KIAA1958: variants seen among roughly 807,000 people sequenced by gnomAD.
KIAA1958 encodes uncharacterized protein KIAA1958.
In KIAA1958, 14 loss-of-function variants were observed where a neutral mutation model predicts 47.2. That is an observed-to-expected ratio of 0.30 (90% CI 0.20 to 0.46). The LOEUF (loss-of-function observed/expected upper bound fraction) is 0.46. Among genes scored for constraint, KIAA1958 ranks in the 20% least tolerant of loss-of-function variants. KIAA1958 has a pLI of 1.00. For synonymous variants in KIAA1958, 354 were observed against 353.3 expected (o/e 1.00, Z -0.02); for missense variants, 803 against 909.2 (o/e 0.88, Z 1.50).
chr9:112,519,102 A>G (rs114573334), intron 1 of KIAA1958, among the ~76,000 whole-genome samples: 5 of 151,840 alleles, frequency 3.3e-5, no homozygotes, highest in African/African-American at 7.3e-5. Context: ...GCTAATTTTT[A>G]AATTTATTAT....
chr9:112,509,029 C>T (rs1315473970), intron 1 of KIAA1958, among the ~76,000 whole-genome samples: 1 of 151,212 alleles, frequency 6.6e-6, no homozygotes, highest in African/African-American at 2.4e-5. Flanking sequence ...ATTAAAATGC[C>T]TCGAAAGATA....
chr9:112,657,556 C>T (rs1446904123), intron 3 of KIAA1958, among the ~76,000 whole-genome samples: 2 of 151,792 alleles, frequency 1.3e-5, no homozygotes, highest in Non-Finnish European at 2.9e-5. Flanking sequence ...ATAATGTTTT[C>T]GGTTCGGTTA....
At position 112,618,620 on chromosome 9, in the gene KIAA1958, T is replaced by C. The variant is rs1192519928; in HGVS notation, c.1172-27030T>C. 1 of 1,550,668 alleles carries C rather than the reference T, an allele frequency of 6.4e-7. No homozygotes were observed. Among genetic ancestry groups the C allele is most frequent in the Non-Finnish European group, 8.7e-7 (1 of 1,147,008 alleles). On this transcript the variant is annotated intron_variant, in intron 2 of 3. Transcript: ENST00000337530. This position sits in a 1 kb window ranked among gnomAD's most constrained non-coding sequence, Gnocchi z 7.1. ...CTACGAGGATGCCCCTTTCTACTTA[T>C]CCATCAAGCCAGTCGTGAACCTGGC...
intron 1 of KIAA1958, among the ~76,000 whole-genome samples, chr9:112,540,208 G>A (rs1455389917): frequency 1.3e-5 from 2 of 152,158 alleles, no homozygotes; most frequent in East Asian, 3.8e-4. Context: ...AGATAGGAGG[G>A]TGCTGATATG....
chr9:112,555,599 G>T (rs1835226412), intron 1 of KIAA1958, among the ~76,000 whole-genome samples: 2 of 152,274 alleles, frequency 1.3e-5, no homozygotes, highest in South Asian at 2.1e-4. Context: ...TCCATGGATG[G>T]CATCTTCTCG....
chr9:112,556,199 A>G (rs927305501), intron 1 of KIAA1958, among the ~76,000 whole-genome samples: 1 of 152,220 alleles, frequency 6.6e-6, no homozygotes, highest in Non-Finnish European at 1.5e-5. Flanking sequence ...GACATCTTGC[A>G]TCTTCCTTAA....
At chr9:112,555,571 A>G (rs1170563654) in intron 1 of KIAA1958, among the ~76,000 whole-genome samples, 1 of 152,242 alleles carries the variant, frequency 6.6e-6, no homozygotes, top group Non-Finnish European at 1.5e-5. Flanking sequence ...AGATTCCAGC[A>G]GGTTCATTGC....
At position 112,659,770 on chromosome 9, in the gene KIAA1958, T is replaced by C; in HGVS notation, c.1852T>C (p.Tyr618His). 1 of 1,614,130 alleles carries C rather than the reference T, an allele frequency of 6.2e-7. No homozygotes were observed. The change falls in exon 4 of 4, where the codon TAC (tyrosine) becomes CAC (histidine). Residue 618 changes from tyrosine (Y) to histidine (H), a missense_variant. Around this residue, in one of 2 missense-constraint regions of KIAA1958, gnomAD observed 761 missense variants for 829.3 expected, o/e 0.92. Coordinates refer to ENST00000337530, the MANE Select transcript of KIAA1958 (RefSeq NM_133465.4). ...GSTRVCHGKI[Y>H]HEHSRGHKQC... ...CACCAGAGTGTGTCACGGGAAGATCTACCATGAGCATTCCCGGGGACACAA... is the reference window on the plus strand; with the variant it reads ...CACCAGAGTGTGTCACGGGAAGATCCACCATGAGCATTCCCGGGGACACAA...
intron 3 of KIAA1958, among the ~76,000 whole-genome samples, chr9:112,659,041 A>G (rs7020672): frequency 0.14 from 18,505 of 131,398 alleles, 1,282 homozygotes; most frequent in East Asian, 0.28. Context: ...AAAAAAAAAA[A>G]AAAGAAAGAA....
At chr9:112,558,752 A>G (rs1220441729) in intron 1 of KIAA1958, among the ~76,000 whole-genome samples, 1 of 152,214 alleles carries the variant, frequency 6.6e-6, no homozygotes, top group African/African-American at 2.4e-5. Context: ...TAAGAGTCAG[A>G]ATGGAGGGGC....
chr9:112,634,364 G>T (rs1252096346), intron 2 of KIAA1958, among the ~76,000 whole-genome samples: 4 of 152,054 alleles, frequency 2.6e-5, no homozygotes, highest in Admixed American at 6.5e-5. Context: ...GAGTAGCTGG[G>T]ATTACAGGCG....
rs893275839 is a variant in KIAA1958 at position 112,496,746 on chromosome 9, C to T, written c.-25+9628C>T. ...TTAGGTTCTTGTGGTCTCGCGTTCT[C>T]CCCCAGAAGCTCAGAAACTTTACTG... On this transcript the variant is annotated intron_variant, in intron 1 of 3. Coordinates refer to ENST00000337530, the MANE Select transcript of KIAA1958 (RefSeq NM_133465.4). 2.0e-5 allele frequency among the ~76,000 whole-genome samples: 3 copies of T among 152,104 alleles called. No homozygotes were observed. The South Asian group carries it at 6.2e-4, about 32-fold the overall frequency.
In KIAA1958 at chr9:112,666,577, TCCCAGAAAAA is replaced by T. The variant is rs1035882534; in HGVS notation, c.*6516_*6525del. The T allele has an allele frequency of 4.6e-5, 7 of 152,258 alleles. No homozygotes were observed. Among genetic ancestry groups the T allele is most frequent in the Middle Eastern group, 3.4e-3 (1 of 294 alleles). The allele number at this position is 152,258 out of a possible 1,614,324, so 9.4% of individuals were successfully genotyped here. ...AGACCCTAGTGAGCTTCTTGTACCT[TCCCAGAAAAA>T]CCCAGAAGAAGGCCAAATCTCAATT... is the stretch of plus-strand genomic sequence containing the variant. On this transcript the variant is annotated 3_prime_UTR_variant, in exon 4 of 4. Coordinates refer to ENST00000337530, the MANE Select transcript of KIAA1958 (RefSeq NM_133465.4).
intron 3 of KIAA1958, among the ~76,000 whole-genome samples, chr9:112,656,205 T>G (rs1837148085): frequency 6.6e-6 from 1 of 151,868 alleles, no homozygotes; most frequent in African/African-American, 2.4e-5. Context: ...AAACCCCGTT[T>G]CTACTAAAAA....
chr9:112,618,811 C>G lies in KIAA1958; in HGVS notation c.1172-26839C>G, dbSNP rs1286505394. ...CCCAGAGCAACCAGCTCGTGCTGAT[C>G]TGTAACAATCTGAGCCAGCAGGCTG... On this transcript the variant is annotated intron_variant, in intron 2 of 3. Transcript: ENST00000337530. This position sits in a 1 kb window ranked among gnomAD's most constrained non-coding sequence, Gnocchi z 7.1. The G allele has an allele frequency of 8.4e-6, 13 of 1,550,534 alleles. No individual in the cohort carries two copies. The South Asian group carries it at 1.3e-4, about 16-fold the overall frequency.
rs146406520 is a variant in KIAA1958, at chr9:112,648,504, A to G, written c.1344+2682A>G. On this transcript the variant is annotated intron_variant, in intron 3 of 3. Coordinates refer to ENST00000337530, the MANE Select transcript of KIAA1958 (RefSeq NM_133465.4). ...GGCTGACAAAGAACTGCCTGAAGAG[A>G]TTAGAGGGAACAGTACTTGGCACTC... is the stretch of plus-strand genomic sequence containing the variant. 3.3e-5 allele frequency among the ~76,000 whole-genome samples: 5 copies of G among 152,306 alleles called. No homozygotes were observed. The East Asian group carries it at 9.6e-4, about 29-fold the overall frequency.
chr9:112,614,297 C>T lies in KIAA1958; in HGVS notation c.1172-31353C>T, dbSNP rs147616067. 5.6e-3 allele frequency among the ~76,000 whole-genome samples: 853 copies of T among 152,130 alleles called. 11 individuals are homozygous for T. Among genetic ancestry groups the T allele is most frequent in the African/African-American group, 0.019 (794 of 41,520 alleles). The stretch of plus-strand genomic sequence containing the variant: ...AGAAGAGGACATGAGAAAGGCTTCT[C>T]GGGTGCTGGTGATATTCTTTTTCTT... On this transcript the variant is annotated intron_variant, in intron 2 of 3. Transcript: ENST00000337530.
At chr9:112,645,286 ATTG>A (rs914680992) in intron 2 of KIAA1958, among the ~76,000 whole-genome samples, 25 of 152,104 alleles carry the variant, frequency 1.6e-4, no homozygotes, top group African/African-American at 5.3e-4. Flanking sequence ...CTTCCTTTTG[ATTG>A]TTGTTGTTGA....
intron 2 of KIAA1958, among the ~76,000 whole-genome samples, chr9:112,601,786 C>T (rs1354597288): frequency 6.6e-6 from 1 of 152,068 alleles, no homozygotes; most frequent in Non-Finnish European, 1.5e-5. Context: ...GGAGAAAATT[C>T]CTCAGAGGCT....
Sources: gnomAD v4.1 joint callset for allele counts (sites outside exome capture counted in the v4.1 genomes callset) on GRCh38, gnomAD v4.1.1 for gene constraint, gnomAD v4.1.1 regional missense constraint, Gnocchi (gnomAD v3.1) non-coding constraint, MANE v1.5 for transcripts, NCBI Gene and HGNC (gene_info 2026-07-23, HGNC 2026-07-21) for gene names.